Variants in HINFP observed in about 807,000 individuals in gnomAD.
The protein encoded by HINFP is MBD2 (methyl-CpG-binding protein)-interacting zinc finger protein.
HINFP carries 20 observed loss-of-function variants against 50.1 expected under a neutral mutation model. The ratio of observed to expected loss-of-function variants is 0.40; its 90% CI spans 0.28 to 0.58. HINFP has a LOEUF of 0.58. Ranked by LOEUF, HINFP falls within the 20% of genes least tolerant of loss-of-function variation. The pLI, the probability that HINFP is intolerant of heterozygous loss-of-function variation, is 0.45. For missense variants in HINFP, 505 were observed against 664.1 expected (o/e 0.76, Z 2.63); for synonymous variants, 247 against 243.7 (o/e 1.01, Z -0.13).
chr11:119,133,428 A>G, intron 9 of HINFP: 1 of 519,220 alleles, frequency 1.9e-6, no homozygotes, highest in Non-Finnish European at 3.4e-6. Flanking sequence ...AAAATACAAA[A>G]AGTAGCTGAG....
intron 1 of HINFP, chr11:119,126,593 A>G (rs540592768): frequency 2.8e-5 from 5 of 178,678 alleles, no homozygotes; most frequent in Non-Finnish European, 4.7e-5. Flanking sequence ...ATCCTTCTCA[A>G]AAGCCATCTG....
intron 2 of HINFP, 39 bp downstream of exon 2, chr11:119,127,164 A>T: frequency 6.7e-7 from 1 of 1,495,328 alleles, no homozygotes. Flanking sequence ...GAGCTCAAGG[A>T]AAGGTGGAAA....
chr11:119,124,505 C>T (rs1038889209), intron 1 of HINFP: 2 of 152,078 alleles, frequency 1.3e-5, no homozygotes, highest in African/African-American at 2.4e-5. Context: ...CAACGTCACC[C>T]TCTGTTCTGT....
chr11:119,133,991 C>T lies in HINFP; in HGVS notation c.1140-93C>T, dbSNP rs755005532. The T allele has an allele frequency of 7.1e-6, 11 of 1,550,294 alleles. No individual in the cohort carries two copies. In the African/African-American group the frequency reaches 1.1e-4, roughly 15 times the overall value. ...GTCACTTGGATTCCAGGACTTCTTC[C>T]ATCCCTCATGTTTGTTCCTTACTTT... On this transcript the variant is annotated intron_variant, in intron 9 of 9. Transcript: ENST00000350777.
rs1158415368 is a variant in HINFP, at chr11:119,134,229, C to T, written c.1285C>T (p.Leu429=). ...CGAGAGCAGCCTGCAGGGCATTATT[C>T]TAGAAACAGTGCCAGGGGAGCCAGG... is the stretch of plus-strand genomic sequence containing the variant. The part of the protein sequence containing the change: ...LNESSLQGII[L]ETVPGEPGRK... Residue 429 remains leucine, a synonymous_variant, in exon 10 of 10, where the codon CTA becomes TTA. Coordinates refer to ENST00000350777, the MANE Select transcript of HINFP (RefSeq NM_198971.3). This position sits in a 1 kb window ranked among gnomAD's most constrained non-coding sequence, Gnocchi z 4.3. 1 of 1,614,204 alleles carries T rather than the reference C, an allele frequency of 6.2e-7. No individual in the cohort carries two copies. Among genetic ancestry groups the T allele is most frequent in the East Asian group, 2.2e-5 (1 of 44,892 alleles).
Position 119,131,992 on chromosome 11 carries a change from CAG to C in HINFP, c.676+13_676+14del, listed in dbSNP as rs1947787615. ...CAGACCTCATTGGATCGTAAGTAGTCAGAGGAAGTGGGGTGGATGCAGGCTGT... is the reference window on the plus strand; with the variant it reads ...CAGACCTCATTGGATCGTAAGTAGTCAGGAAGTGGGGTGGATGCAGGCTGT... On this transcript the variant is annotated intron_variant, in intron 5 of 9. Transcript: ENST00000350777. The surrounding 1 kb of genome is among the most constrained non-coding windows in gnomAD (Gnocchi z 4.2). 1 of 1,613,696 alleles carries C rather than the reference CAG, an allele frequency of 6.2e-7. No individual in the cohort carries two copies. Among genetic ancestry groups the C allele is most frequent in the Non-Finnish European group, 8.5e-7 (1 of 1,179,956 alleles).
intron 2 of HINFP, among the ~76,000 whole-genome samples, chr11:119,127,937 C>T (rs1459747476): frequency 3.3e-5 from 5 of 151,766 alleles, no homozygotes; most frequent in African/African-American, 7.3e-5. Flanking sequence ...CTCACTGCAG[C>T]CTTTGCCTCC....
chr11:119,130,543 C>T (rs930185398), intron 2 of HINFP, 182 bp from the exon 3 acceptor site: 2 of 596,946 alleles, frequency 3.4e-6, no homozygotes, highest in Non-Finnish European at 6.0e-6. Flanking sequence ...TATAGTCCCT[C>T]TAACTGGCAC....
At chr11:119,128,863 T>A (rs1947575367) in intron 2 of HINFP, among the ~76,000 whole-genome samples, 2 of 151,920 alleles carry the variant, frequency 1.3e-5, no homozygotes, top group Admixed American at 1.3e-4. Flanking sequence ...TATGCCCAGC[T>A]AATTTTTTTT....
At chr11:119,129,569 T>G (rs1052016870) in intron 2 of HINFP, among the ~76,000 whole-genome samples, 1 of 150,092 alleles carries the variant, frequency 6.7e-6, no homozygotes. Context: ...CATGCCACTC[T>G]CCTGCCTCAG....
At chr11:119,129,512 G>C (rs1429680474) in intron 2 of HINFP, among the ~76,000 whole-genome samples, 1 of 122,032 alleles carries the variant, frequency 8.2e-6, no homozygotes, top group African/African-American at 3.5e-5. Flanking sequence ...TTTTGTGGGA[G>C]TGCAGTGGCT....
Position 119,132,553 on chromosome 11 carries a change from G to A in HINFP, c.734G>A (p.Arg245Gln), listed in dbSNP as rs755900940. ...AGATTTGCCACAGAGCGGCTATTGC[G>A]GGACCACATGCGCAACCATGGTGAG... ...SKRFATERLL[R>Q]DHMRNHVNHY... The change falls in exon 6 of 10, where the codon CGG (arginine) becomes CAG (glutamine). Residue 245 changes from arginine to glutamine, a missense_variant. Transcript: ENST00000350777. 5 of 1,614,062 alleles carry A rather than the reference G, an allele frequency of 3.1e-6. No homozygotes were observed. The highest frequency in any genetic ancestry group is 2.2e-5 in the East Asian group (1 of 44,868).
intron 5 of HINFP, chr11:119,132,221 C>G: frequency 1.6e-6 from 1 of 616,954 alleles, no homozygotes; most frequent in Non-Finnish European, 2.8e-6. Context: ...ATGAGGTAGG[C>G]TTCTTATCCC....
chr11:119,134,309 C>T lies in HINFP; in HGVS notation c.1365C>T (p.Ala455=). The change falls in exon 10 of 10, where the codon GCC becomes GCT. Residue 455 remains alanine (A), a synonymous_variant. Coordinates refer to ENST00000350777, the MANE Select transcript of HINFP (RefSeq NM_198971.3). This position sits in a 1 kb window ranked among gnomAD's most constrained non-coding sequence, Gnocchi z 4.3. Reference sequence around the variant, plus strand: ...GTAGCGAAGGGACAGCCCTCTCAGCCTCTCAGGACAACCCCAGTTCTGTCA... The same window carrying T: ...GTAGCGAAGGGACAGCCCTCTCAGCTTCTCAGGACAACCCCAGTTCTGTCA... ...GKGSEGTALS[A]SQDNPSSVIH... 1 of 1,614,156 alleles carries T rather than the reference C, an allele frequency of 6.2e-7. No individual in the cohort carries two copies. The highest frequency in any genetic ancestry group is 8.5e-7 in the Non-Finnish European group (1 of 1,179,986).
chr11:119,134,585 A>G lies in HINFP; in HGVS notation c.*87A>G. The G allele has an allele frequency of 1.9e-6, 2 of 1,064,496 alleles. No homozygotes were observed. Among genetic ancestry groups the G allele is most frequent in the East Asian group, 2.6e-5 (1 of 38,476 alleles). 65.9% of individuals were successfully genotyped at this position (1,064,496 alleles called of 1,614,324 possible). ...TGCCCCTAGTGGGCAGCCGTTGCCAATGGATGCCTTTAGGAGTGGTGCCGA... is the reference window on the plus strand; with the variant it reads ...TGCCCCTAGTGGGCAGCCGTTGCCAGTGGATGCCTTTAGGAGTGGTGCCGA... On this transcript the variant is annotated 3_prime_UTR_variant, in exon 10 of 10. Coordinates refer to ENST00000350777, the MANE Select transcript of HINFP (RefSeq NM_198971.3). This position sits in a 1 kb window ranked among gnomAD's most constrained non-coding sequence, Gnocchi z 4.3.
rs141577387 is a variant in HINFP, at chr11:119,134,183, G to A, written c.1239G>A (p.Ser413=). The part of the protein sequence containing the change: ...QQLLRQPQEG[S]GLGTSLNESS... ...TGCTGCGGCAACCACAAGAGGGATCGGGCCTGGGAACGTCGCTGAACGAGA... is the reference window on the plus strand; with the variant it reads ...TGCTGCGGCAACCACAAGAGGGATCAGGCCTGGGAACGTCGCTGAACGAGA... Residue 413 remains serine, a synonymous_variant, in exon 10 of 10, where the codon TCG becomes TCA. Coordinates refer to ENST00000350777, the MANE Select transcript of HINFP (RefSeq NM_198971.3). The surrounding 1 kb of genome is among the most constrained non-coding windows in gnomAD (Gnocchi z 4.3). 171 of 1,614,116 alleles carry A rather than the reference G, an allele frequency of 1.1e-4. No homozygotes were observed. Among genetic ancestry groups the A allele is most frequent in the Middle Eastern group, 1.6e-4 (1 of 6,084 alleles).
At chr11:119,133,717 G>A (rs1453924735) in intron 9 of HINFP, 2 of 343,492 alleles carry the variant, frequency 5.8e-6, no homozygotes, top group African/African-American at 2.1e-5. Context: ...GTAAGGCATG[G>A]TGCCAAACCC....
intron 1 of HINFP, among the ~76,000 whole-genome samples, chr11:119,123,160 G>C (rs1001265047): frequency 2.9e-5 from 4 of 137,160 alleles, no homozygotes; most frequent in Non-Finnish European, 6.2e-5. Context: ...AAGAACTTGC[G>C]TAGGCAGAGA....
In HINFP at chr11:119,131,152, A is replaced by G; in HGVS notation, c.411+198A>G. The G allele has an allele frequency of 1.4e-6, 1 of 690,384 alleles. No homozygotes were observed. The highest frequency in any genetic ancestry group is 2.6e-6 in the Non-Finnish European group (1 of 379,750). The allele number at this position is 690,384 out of a possible 1,614,324, so 42.8% of individuals were successfully genotyped here. On this transcript the variant is annotated intron_variant, in intron 3 of 9. Transcript: ENST00000350777. The surrounding 1 kb of genome is among the most constrained non-coding windows in gnomAD (Gnocchi z 4.2). ...AGCCCAGGCTAGAGTGCAGTGGTAC[A>G]ATCATAGCTCACTGTAACCTTGAAC...
Sources: allele counts gnomAD v4.1 joint callset (sites outside exome capture counted in the v4.1 genomes callset), GRCh38; gene constraint gnomAD v4.1.1; non-coding constraint Gnocchi (gnomAD v3.1); transcripts MANE v1.5; gene names NCBI Gene and HGNC (gene_info 2026-07-23, HGNC 2026-07-21).